MAP3K2: variants seen among roughly 807,000 people sequenced by gnomAD.
MAP3K2 encodes the protein MAP/ERK kinase kinase 2.
MAP3K2 carries 24 observed loss-of-function variants against 80.3 expected under a neutral mutation model. That is an observed-to-expected ratio of 0.30 (90% CI 0.22 to 0.42). MAP3K2 has a LOEUF of 0.42. Ranked by LOEUF, MAP3K2 falls within the 10% of genes least tolerant of loss-of-function variation. MAP3K2 has a pLI of 1.00. For missense variants in MAP3K2, 608 were observed against 750.1 expected (o/e 0.81, Z 2.21); for synonymous variants, 244 against 253.7 (o/e 0.96, Z 0.36).
Position 127,322,026 on chromosome 2 carries a change from T to C in MAP3K2, c.1045+20A>G, listed in dbSNP as rs1472714236. On this transcript the variant is annotated intron_variant, in intron 12 of 16. Coordinates refer to ENST00000682094, the MANE Select transcript of MAP3K2 (RefSeq NM_001371910.2). The surrounding 1 kb of genome is among the most constrained non-coding windows in gnomAD (Gnocchi z 4.2). ...AAAGATTCTGCTCTACATTTCACTA[T>C]ACCAAGTTCTATTACTTACAACGGC... The C allele has an allele frequency of 2.5e-6, 4 of 1,599,770 alleles. No homozygotes were observed. The highest frequency in any genetic ancestry group is 3.4e-6 in the Non-Finnish European group (4 of 1,170,036).
chr2:127,311,904 A>G (rs934094617), intron 15 of MAP3K2, among the ~76,000 whole-genome samples: 1 of 152,050 alleles, frequency 6.6e-6, no homozygotes, highest in Non-Finnish European at 1.5e-5. Flanking sequence ...TTTTCTTTGC[A>G]ACTTATGAAG....
intron 1 of MAP3K2, 50 bp downstream of exon 1, chr2:127,387,402 A>ACACGCGCGCGCG: frequency 4.6e-6 from 1 of 219,458 alleles, no homozygotes; most frequent in Non-Finnish European, 5.6e-6. Flanking sequence ...ACGCGCGCAC[A>ACACGCGCGCGCG]CACACACACA....
chr2:127,354,226 C>T (rs1686758207), intron 1 of MAP3K2, among the ~76,000 whole-genome samples: 1 of 64,904 alleles, frequency 1.5e-5, no homozygotes, highest in South Asian at 4.1e-4. Flanking sequence ...GAGAAACACC[C>T]AAGAATGATC....
At chr2:127,336,436 T>G (rs980196437) in intron 4 of MAP3K2, among the ~76,000 whole-genome samples, 12 of 152,192 alleles carry the variant, frequency 7.9e-5, no homozygotes, top group Admixed American at 1.3e-4. Flanking sequence ...ACTTCCAAAA[T>G]AAATATTTTT....
chr2:127,359,971 G>A (rs540945278), intron 1 of MAP3K2, among the ~76,000 whole-genome samples: 2 of 152,210 alleles, frequency 1.3e-5, no homozygotes, highest in African/African-American at 4.8e-5. Flanking sequence ...TGCAAGAATG[G>A]ACTAATACAC....
chr2:127,318,446 T>C (rs9636237), intron 12 of MAP3K2, 129 bp from the exon 13 acceptor site: 243,913 of 622,180 alleles, frequency 0.39, 51,003 homozygotes, highest in East Asian at 0.68. Context: ...AAAATTATGA[T>C]TATCCAAATT....
intron 7 of MAP3K2, among the ~76,000 whole-genome samples, chr2:127,329,339 C>T (rs1201364127): frequency 6.6e-6 from 1 of 150,764 alleles, no homozygotes; most frequent in African/African-American, 2.4e-5. Context: ...TAATTTTTTT[C>T]CTCCATTCTA....
chr2:127,322,013 C>A lies in MAP3K2; in HGVS notation c.1045+33G>T. On this transcript the variant is annotated intron_variant, in intron 12 of 16. Coordinates refer to ENST00000682094, the MANE Select transcript of MAP3K2 (RefSeq NM_001371910.2). This position sits in a 1 kb window ranked among gnomAD's most constrained non-coding sequence, Gnocchi z 4.2. ...TATAAAATTCTGCAAAGATTCTGCTCTACATTTCACTATACCAAGTTCTAT... is the reference window on the plus strand; with the variant it reads ...TATAAAATTCTGCAAAGATTCTGCTATACATTTCACTATACCAAGTTCTAT... The A allele has an allele frequency of 6.4e-7, 1 of 1,570,714 alleles. No homozygotes were observed. Among genetic ancestry groups the A allele is most frequent in the Non-Finnish European group, 8.7e-7 (1 of 1,147,594 alleles).
Position 127,306,694 on chromosome 2 carries a change from CTG to C in MAP3K2, c.*883_*884del, listed in dbSNP as rs753666607. ...CCCCCTCAAGTAAAACAAAACAAAACTGTTTAAAATACACTAAACACCTAATT... is the reference window on the plus strand; with the variant it reads ...CCCCCTCAAGTAAAACAAAACAAAACTTTAAAATACACTAAACACCTAATT... On this transcript the variant is annotated 3_prime_UTR_variant, in exon 17 of 17. Coordinates refer to ENST00000682094, the MANE Select transcript of MAP3K2 (RefSeq NM_001371910.2). The surrounding 1 kb of genome is among the most constrained non-coding windows in gnomAD (Gnocchi z 4.7). 2.6e-5 allele frequency: 4 copies of C among 152,146 alleles called. No homozygotes were observed. Among genetic ancestry groups the C allele is most frequent in the Non-Finnish European group, 5.9e-5 (4 of 68,016 alleles). The allele number at this position is 152,146 out of a possible 1,614,324, so 9.4% of individuals were successfully genotyped here.
At chr2:127,324,282 G>C (rs779768302) in intron 9 of MAP3K2, 41 bp from the exon 10 acceptor site, 6 of 1,201,156 alleles carry the variant, frequency 5.0e-6, no homozygotes, top group Non-Finnish European at 4.7e-6. Context: ...CAGAAAGAAC[G>C]TAAGACATTA....
chr2:127,349,598 A>T (rs1686658348), intron 1 of MAP3K2, among the ~76,000 whole-genome samples: 1 of 152,160 alleles, frequency 6.6e-6, no homozygotes, highest in Non-Finnish European at 1.5e-5. Flanking sequence ...ATCTAGTCTA[A>T]ACATCTTATT....
At chr2:127,380,599 AAAC>A (rs1016068266) in intron 1 of MAP3K2, among the ~76,000 whole-genome samples, 6 of 152,318 alleles carry the variant, frequency 3.9e-5, no homozygotes, top group Admixed American at 1.3e-4. Context: ...GGCAAGGTAT[AAAC>A]AACAACAACA....
Position 127,310,582 on chromosome 2 carries a change from CCA to C in MAP3K2, c.1457-1822_1457-1821del, listed in dbSNP as rs1326336235. 6.6e-6 allele frequency among the ~76,000 whole-genome samples: 1 copy of C among 152,100 alleles called. No homozygotes were observed. The highest frequency in any genetic ancestry group is 1.5e-5 in the Non-Finnish European group (1 of 68,018). The stretch of plus-strand genomic sequence containing the variant: ...TGAAGGATCGCTTAAGCCCAGAGGG[CCA>C]AGGCTGCGGTGAACTGAGATCATGC... On this transcript the variant is annotated intron_variant, in intron 15 of 16. Coordinates refer to ENST00000682094, the MANE Select transcript of MAP3K2 (RefSeq NM_001371910.2). This position sits in a 1 kb window ranked among gnomAD's most constrained non-coding sequence, Gnocchi z 4.8.
rs570817648 is a variant in MAP3K2, at chr2:127,368,418, C to T, written c.-66+19034G>A. ...CGGGCAGATCACGAGGTCTGGAGTT[C>T]GAAACCATCCTGGCCAACATGGTGA... On this transcript the variant is annotated intron_variant, in intron 1 of 16. Transcript: ENST00000682094. Among the ~76,000 whole-genome samples, 8 of 151,874 alleles carry T rather than the reference C, an allele frequency of 5.3e-5. No homozygotes were observed. The South Asian group carries it at 1.5e-3, about 28-fold the overall frequency.
At chr2:127,316,737 T>C (rs201472268) in intron 14 of MAP3K2, 1 of 152,154 alleles carries the variant, frequency 6.6e-6, no homozygotes, top group East Asian at 1.9e-4. Flanking sequence ...TGGCTCCTGA[T>C]AGGATGCAAC....
intron 1 of MAP3K2, among the ~76,000 whole-genome samples, chr2:127,386,335 C>T (rs1480059710): frequency 6.6e-6 from 1 of 152,178 alleles, no homozygotes; most frequent in Non-Finnish European, 1.5e-5. Context: ...TGACTAGTAG[C>T]ACTCCATACA....
At chr2:127,330,214 T>C (rs1234060985) in intron 6 of MAP3K2, among the ~76,000 whole-genome samples, 178 bp downstream of exon 6, 1 of 152,190 alleles carries the variant, frequency 6.6e-6, no homozygotes, top group Admixed American at 6.5e-5. Flanking sequence ...TATTTATAAC[T>C]ATGACTGTGG....
chr2:127,372,847 G>A (rs1436169167), intron 1 of MAP3K2, among the ~76,000 whole-genome samples: 1 of 152,160 alleles, frequency 6.6e-6, no homozygotes, highest in African/African-American at 2.4e-5. Context: ...ACAGCCCCTG[G>A]AATTCACCCA....
intron 1 of MAP3K2, among the ~76,000 whole-genome samples, chr2:127,363,746 A>G (rs1015932713): frequency 4.6e-5 from 7 of 152,160 alleles, no homozygotes; most frequent in African/African-American, 1.4e-4. Flanking sequence ...TCTGTCACCT[A>G]GCCTGGCTCA....
Sources: allele counts gnomAD v4.1 joint callset (sites outside exome capture counted in the v4.1 genomes callset), GRCh38; gene constraint gnomAD v4.1.1; non-coding constraint Gnocchi (gnomAD v3.1); transcripts MANE v1.5; gene names NCBI Gene and HGNC (gene_info 2026-07-23, HGNC 2026-07-21).